ANK2: variants seen among roughly 807,000 people sequenced by gnomAD.
ANK2 encodes ankyrin 2.
A neutral mutation model predicts 360.5 loss-of-function variants in ANK2; 83 were observed. The observed-to-expected ratio is 0.23, with a 90% CI of 0.19 to 0.28. ANK2 has a LOEUF of 0.28. Ranked by LOEUF, ANK2 falls within the 10% of genes least tolerant of loss-of-function variation. The pLI is 1.00. For missense variants in ANK2, 4,201 were observed against 4,795.7 expected, an observed-to-expected ratio of 0.88 and a Z score of 3.66; for synonymous variants, 1,740 against 1,759.5, an observed-to-expected ratio of 0.99 and a Z score of 0.28.
At chr4:113,121,961 G>A (rs111811711) in intron 1 of ANK2, among the ~76,000 whole-genome samples, 2,284 of 152,046 alleles carry the variant, frequency 0.015, 54 homozygotes, top group African/African-American at 0.049. Flanking sequence ...AAGTTGTAAC[G>A]GGACATGGAG....
chr4:112,964,760 G>A (rs796484688), intron 2 of ANK2, among the ~76,000 whole-genome samples: 211 of 151,814 alleles, frequency 1.4e-3, no homozygotes, highest in African/African-American at 4.9e-3. Flanking sequence ...TAGTAGAGAC[G>A]GGGTTTCACT....
chr4:113,121,638 A>G (rs746609263), intron 1 of ANK2, among the ~76,000 whole-genome samples: 8 of 152,096 alleles, frequency 5.3e-5, no homozygotes, highest in Non-Finnish European at 1.0e-4. Context: ...TTTTGTCACA[A>G]TTTTATTAGG....
intron 1 of ANK2, among the ~76,000 whole-genome samples, chr4:113,054,297 T>A (rs1296205239): frequency 1.3e-5 from 2 of 149,482 alleles, no homozygotes; most frequent in East Asian, 4.0e-4. Flanking sequence ...AAGATATTCA[T>A]AAGCATTGCA....
At chr4:112,785,491 A>G in the ANK2 span, among the ~76,000 whole-genome samples, 1 of 150,132 alleles carries the variant, frequency 6.7e-6, no homozygotes, top group African/African-American at 2.5e-5. Context: ...CTCCTGCCTC[A>G]GCCTCTCGAG....
At chr4:112,863,769 G>A (rs573077186) in intron 1 of ANK2, among the ~76,000 whole-genome samples, 3 of 152,032 alleles carry the variant, frequency 2.0e-5, no homozygotes, top group South Asian at 4.1e-4. Context: ...TGATCCTCCC[G>A]CCTCGGCCTC....
At chr4:113,250,147 A>G (rs2045353383) in intron 10 of ANK2, among the ~76,000 whole-genome samples, 1 of 152,254 alleles carries the variant, frequency 6.6e-6, no homozygotes, top group Non-Finnish European at 1.5e-5. Context: ...AATATAAATG[A>G]GAATATCTCT....
the ANK2 span, among the ~76,000 whole-genome samples, chr4:112,812,158 C>T: frequency 5.3e-5 from 8 of 150,616 alleles, no homozygotes; most frequent in South Asian, 2.1e-4. Flanking sequence ...ATACTTAACT[C>T]TCGACTAATT....
At chr4:112,779,476 G>A in the ANK2 span, among the ~76,000 whole-genome samples, 2 of 151,914 alleles carry the variant, frequency 1.3e-5, no homozygotes, top group African/African-American at 4.8e-5. Context: ...CCAAGATTGC[G>A]CCACTGCACT....
At chr4:113,168,630 T>C (rs899917917) in intron 1 of ANK2, among the ~76,000 whole-genome samples, 3 of 152,240 alleles carry the variant, frequency 2.0e-5, no homozygotes, top group Admixed American at 1.3e-4. Flanking sequence ...AGCAGCTGAA[T>C]AGAAATTGTC....
intron 4 of ANK2, among the ~76,000 whole-genome samples, chr4:113,220,627 T>C (rs1562971768): frequency 6.6e-6 from 1 of 152,194 alleles, no homozygotes; most frequent in Non-Finnish European, 1.5e-5. Context: ...AGCTTAACAG[T>C]TTAGCAAGGT....
At chr4:113,363,521 A>G (rs1173808192) in intron 40 of ANK2, 52 bp downstream of exon 40, 1 of 1,607,544 alleles carries the variant, frequency 6.2e-7, no homozygotes, top group South Asian at 1.1e-5. Flanking sequence ...TGTCTTGCTC[A>G]ACAACCGCAT....
intron 3 of ANK2, among the ~76,000 whole-genome samples, chr4:113,197,906 C>T (rs1239399412): frequency 6.6e-6 from 1 of 152,172 alleles, no homozygotes; most frequent in Non-Finnish European, 1.5e-5. Flanking sequence ...TGCTGGCTCA[C>T]ATCTGTAATC....
chr4:113,339,877 A>G (rs745766722), intron 32 of ANK2, among the ~76,000 whole-genome samples: 1 of 152,222 alleles, frequency 6.6e-6, no homozygotes, highest in Non-Finnish European at 1.5e-5. Flanking sequence ...AAGCATTGTT[A>G]CCTCTCTTTA....
chr4:113,336,855 CT>C, intron 31 of ANK2, 74 bp downstream of exon 31: 6 of 1,430,324 alleles, frequency 4.2e-6, no homozygotes, highest in South Asian at 1.2e-5. Context: ...ATTAAATTAC[CT>C]TTGTCATAAG....
At chr4:113,162,252 A>C (rs1308160663) in intron 1 of ANK2, among the ~76,000 whole-genome samples, 1 of 151,666 alleles carries the variant, frequency 6.6e-6, no homozygotes, top group Non-Finnish European at 1.5e-5. Context: ...TTGTTTTCAC[A>C]TGTCCCTGAT....
chr4:113,250,183 A>T (rs1586101701), intron 10 of ANK2, among the ~76,000 whole-genome samples: 2 of 152,318 alleles, frequency 1.3e-5, no homozygotes, highest in East Asian at 3.9e-4. Context: ...GATTTTTATG[A>T]TTCTCTCAGA....
In ANK2 at chr4:112,941,358, ATATAT is replaced by A. The variant is rs1474471690; in HGVS notation, c.21+36850_21+36854del. Among the ~76,000 whole-genome samples the A allele has an allele frequency of 1.0e-4, 15 of 146,000 alleles. No individual in the cohort carries two copies. The East Asian group carries it at 2.6e-3, about 25-fold the overall frequency. ...CTACATATAAAAAGTTATATATTAA[ATATAT>A]TATATATAATATACATATTAAAAAG... is the stretch of plus-strand genomic sequence containing the variant. On this transcript the variant is annotated intron_variant, in intron 2 of 30. Transcript: ENST00000503271.
At chr4:113,136,915 G>A (rs1385243204) in intron 1 of ANK2, among the ~76,000 whole-genome samples, 1 of 151,936 alleles carries the variant, frequency 6.6e-6, no homozygotes, top group Admixed American at 6.6e-5. Context: ...GTGCCACCAG[G>A]CCTAGCTAAT....
At position 113,005,179 on chromosome 4, in the gene ANK2, GCATTTCT is replaced by G. The variant is rs529203169; in HGVS notation, c.21+100668_21+100674del. 1.3e-3 allele frequency among the ~76,000 whole-genome samples: 203 copies of G among 152,146 alleles called. 3 individuals are homozygous for G. Among genetic ancestry groups the G allele is most frequent in the South Asian group, 9.8e-3 (47 of 4,820 alleles). Reference sequence around the variant, plus strand: ...AATTTACCTAATTTATAAAAAGCTTGCATTTCTCAAAAACCTAAAAATAGAACTACTC... The same window carrying G: ...AATTTACCTAATTTATAAAAAGCTTGCAAAAACCTAAAAATAGAACTACTC... On this transcript the variant is annotated intron_variant, in intron 2 of 30. Coordinates refer to the ANK2 transcript ENST00000503271.
Sources: gnomAD v4.1 joint callset for allele counts (sites outside exome capture counted in the v4.1 genomes callset) on GRCh38, gnomAD v4.1.1 for gene constraint, MANE v1.5 for transcripts, NCBI Gene and HGNC (gene_info 2026-07-23, HGNC 2026-07-21) for gene names.